The following NRG1 variants were observed in gnomAD, a reference collection of about 807,000 sequenced individuals.
NRG1 encodes neuregulin 1.
A neutral mutation model predicts 63.8 loss-of-function variants in NRG1; 18 were observed. The ratio of observed to expected loss-of-function variants is 0.28; its 90% confidence interval spans 0.19 to 0.42. NRG1 has a LOEUF of 0.42. NRG1 is among the 10% of genes least tolerant of loss of function. The pLI is 1.00. For missense variants in NRG1, 762 were observed against 814.7 expected (o/e 0.94, Z 0.79); for synonymous variants, 302 against 301.3 (o/e 1.00, Z -0.02).
chr8:31,650,584 A>T (rs984623218), intron 1 of NRG1, among the ~76,000 whole-genome samples: 4 of 152,202 alleles, frequency 2.6e-5, no homozygotes, highest in Non-Finnish European at 4.4e-5. Context: ...TCCATAATGA[A>T]ACTAGTAATG....
chr8:32,020,103 T>C (rs775500764), intron 1 of NRG1, among the ~76,000 whole-genome samples: 2 of 152,208 alleles, frequency 1.3e-5, no homozygotes, highest in Non-Finnish European at 2.9e-5. Flanking sequence ...TTGTTGGAAA[T>C]TGACATCTTA....
At position 31,791,391 on chromosome 8, in the gene NRG1, C is replaced by T. The variant is rs1195255008; in HGVS notation, c.37+151960C>T. On this transcript the variant is annotated intron_variant, in intron 1 of 10. Coordinates refer to the NRG1 transcript ENST00000519301. ...ATAATTATCACTATCAGTAATTATT[C>T]ATTAGTACTGTCTGCTATATTAACA... Among the ~76,000 whole-genome samples the T allele has an allele frequency of 5.3e-5, 8 of 152,122 alleles. No individual in the cohort carries two copies. The East Asian group carries it at 1.5e-3, about 29-fold the overall frequency.
At chr8:32,525,391 G>GGTGTGTGTGTGTGT (rs200594879) in intron 1 of NRG1, among the ~76,000 whole-genome samples, 10 of 145,794 alleles carry the variant, frequency 6.9e-5, no homozygotes, top group African/African-American at 1.3e-4. Flanking sequence ...ATGAGGTAGG[G>GGTGTGTGTGTGTGT]GTGTGTGTGT....
In NRG1 at chr8:31,950,488, A is replaced by G. The variant is rs557496471; in HGVS notation, c.37+311057A>G. On this transcript the variant is annotated intron_variant, in intron 1 of 10. Coordinates refer to the NRG1 transcript ENST00000519301. ...GCCATTTCTCTCCAGACACTAGTCA[A>G]ACAAACAGGTGAGCACCAGATAGTT... Among the ~76,000 whole-genome samples, 7 of 152,356 alleles carry G rather than the reference A, an allele frequency of 4.6e-5. No individual in the cohort carries two copies. The East Asian group carries it at 9.6e-4, about 21-fold the overall frequency.
intron 1 of NRG1, among the ~76,000 whole-genome samples, chr8:32,361,247 C>T (rs191912024): frequency 8.5e-5 from 13 of 152,200 alleles, no homozygotes; most frequent in African/African-American, 2.6e-4. Flanking sequence ...GACAACATGG[C>T]GCCACATCAG....
intron 1 of NRG1, among the ~76,000 whole-genome samples, chr8:31,657,722 C>T (rs1057154074): frequency 6.6e-6 from 1 of 152,154 alleles, no homozygotes; most frequent in African/African-American, 2.4e-5. Context: ...ACATATCTTA[C>T]GTCATTTATT....
chr8:32,188,956 A>G (rs1042515567), intron 1 of NRG1, among the ~76,000 whole-genome samples: 1 of 152,112 alleles, frequency 6.6e-6, no homozygotes, highest in African/African-American at 2.4e-5. Context: ...AACTTAAAGT[A>G]TAATAATAAT....
At chr8:32,311,275 A>G (rs77111914) in intron 1 of NRG1, among the ~76,000 whole-genome samples, 5 of 152,312 alleles carry the variant, frequency 3.3e-5, no homozygotes, top group African/African-American at 9.6e-5. Flanking sequence ...AGGGGGATAG[A>G]TTAAAAGGGA....
intron 1 of NRG1, among the ~76,000 whole-genome samples, chr8:31,748,809 G>A (rs948317318): frequency 1.3e-5 from 2 of 151,760 alleles, no homozygotes; most frequent in African/African-American, 2.4e-5. Context: ...GCAGTAGCCT[G>A]TCTAATCCCT....
At chr8:32,314,659 A>G (rs570882911) in intron 1 of NRG1, among the ~76,000 whole-genome samples, 1 of 152,256 alleles carries the variant, frequency 6.6e-6, no homozygotes, top group Non-Finnish European at 1.5e-5. Context: ...ATCCTTCATA[A>G]TAGAAATGCT....
chr8:32,749,818 G>T (rs994232125), intron 7 of NRG1: 6 of 567,270 alleles, frequency 1.1e-5, no homozygotes, highest in Non-Finnish European at 1.2e-5. Context: ...GAGTTTAAAA[G>T]TACCCTACCT....
chr8:32,042,321 C>T (rs779557882), intron 1 of NRG1, among the ~76,000 whole-genome samples: 14 of 151,910 alleles, frequency 9.2e-5, no homozygotes, highest in Non-Finnish European at 1.3e-4. Flanking sequence ...GGCATAGTGG[C>T]ATGTGCCTGT....
At position 32,521,365 on chromosome 8, in the gene NRG1, T is replaced by C. The variant is rs1311364468; in HGVS notation, c.38-74463T>C. Among the ~76,000 whole-genome samples, 4 of 152,190 alleles carry C rather than the reference T, an allele frequency of 2.6e-5. No homozygotes were observed. In the South Asian group the frequency reaches 8.3e-4, roughly 31 times the overall value. The stretch of plus-strand genomic sequence containing the variant: ...CTTTTTAGTGCTCAGTATTCCAATA[T>C]TTCATTTTGTAGATGTGAAAATTAA... On this transcript the variant is annotated intron_variant, in intron 1 of 10. Coordinates refer to the NRG1 transcript ENST00000519301.
chr8:32,500,930 G>A (rs1352102369), intron 1 of NRG1, among the ~76,000 whole-genome samples: 1 of 152,134 alleles, frequency 6.6e-6, no homozygotes, highest in Non-Finnish European at 1.5e-5. Flanking sequence ...GAATCCATCA[G>A]CTTCTCCATT....
At chr8:32,624,911 T>A (rs1484242751) in intron 5 of NRG1, among the ~76,000 whole-genome samples, 4 of 152,238 alleles carry the variant, frequency 2.6e-5, no homozygotes, top group African/African-American at 9.6e-5. Context: ...AGAGTAATTG[T>A]ATGTTGATTA....
intron 1 of NRG1, among the ~76,000 whole-genome samples, chr8:31,658,927 T>C (rs1055886719): frequency 3.3e-5 from 5 of 152,278 alleles, no homozygotes; most frequent in African/African-American, 9.6e-5. Context: ...ACCCAGCGGT[T>C]CTCCTAAAAT....
At chr8:31,701,574 G>T (rs1307087968) in intron 1 of NRG1, among the ~76,000 whole-genome samples, 1 of 152,034 alleles carries the variant, frequency 6.6e-6, no homozygotes, top group Non-Finnish European at 1.5e-5. Context: ...CCTGGGTAAG[G>T]TATAGTAAGG....
At chr8:32,307,518 T>C (rs1264853332) in intron 1 of NRG1, among the ~76,000 whole-genome samples, 3 of 152,046 alleles carry the variant, frequency 2.0e-5, no homozygotes, top group African/African-American at 4.8e-5. Flanking sequence ...GGTAACATTA[T>C]AAAGTGTGAA....
chr8:31,715,083 A>G (rs1421598194), intron 1 of NRG1, among the ~76,000 whole-genome samples: 1 of 152,158 alleles, frequency 6.6e-6, no homozygotes, highest in Non-Finnish European at 1.5e-5. Context: ...AGTTATTGCT[A>G]TATTTATGAA....
Sources: allele counts gnomAD v4.1 joint callset (sites outside exome capture counted in the v4.1 genomes callset), GRCh38; gene constraint gnomAD v4.1.1; transcripts MANE v1.5; gene names NCBI Gene and HGNC (gene_info 2026-07-23, HGNC 2026-07-21).